Variants in SLC12A7 observed in about 807,000 individuals in gnomAD.
SLC12A7 encodes the protein solute carrier family 12 member 7.
A neutral mutation model predicts 120.6 loss-of-function variants in SLC12A7; 100 were observed. The ratio of observed to expected loss-of-function variants is 0.83; its 90% CI spans 0.71 to 0.98. SLC12A7 has a LOEUF of 0.98. SLC12A7 is among the 50% of genes least tolerant of loss of function. SLC12A7 has a pLI of 0.00. For synonymous variants in SLC12A7, 760 were observed against 678.0 expected (o/e 1.12, Z -1.88); for missense variants, 1,373 against 1,548.1 (o/e 0.89, Z 1.90).
At chr5:1,084,499 G>A (rs1401519323) in intron 7 of SLC12A7, among the ~76,000 whole-genome samples, 11 of 152,222 alleles carry the variant, frequency 7.2e-5, no homozygotes, top group Non-Finnish European at 1.3e-4. Context: ...GAGCACAGGA[G>A]TGCCGCCCCC....
At chr5:1,095,509 C>A (rs904239080) in intron 1 of SLC12A7, among the ~76,000 whole-genome samples, 7 of 152,348 alleles carry the variant, frequency 4.6e-5, no homozygotes, top group Admixed American at 4.6e-4. Context: ...TGGGAACGAC[C>A]AAGCCGGGAC....
chr5:1,137,184 T>A, the SLC12A7 span, among the ~76,000 whole-genome samples: 1 of 152,062 alleles, frequency 6.6e-6, no homozygotes, highest in Non-Finnish European at 1.5e-5. Context: ...ACCCTGCCCC[T>A]ACTCCAAGGA....
intron 1 of SLC12A7, among the ~76,000 whole-genome samples, chr5:1,105,871 C>T (rs1315754450): frequency 6.6e-6 from 1 of 152,196 alleles, no homozygotes; most frequent in Non-Finnish European, 1.5e-5. Flanking sequence ...CTCCTGAATG[C>T]CGTCCACGCC....
At chr5:1,154,995 G>A in the SLC12A7 span, among the ~76,000 whole-genome samples, 1 of 152,214 alleles carries the variant, frequency 6.6e-6, no homozygotes, top group Non-Finnish European at 1.5e-5. Flanking sequence ...TGTGGCCAAG[G>A]CTGGCGGGGG....
At chr5:1,125,290 T>TGC in the SLC12A7 span, among the ~76,000 whole-genome samples, 1 of 152,040 alleles carries the variant, frequency 6.6e-6, no homozygotes, top group Non-Finnish European at 1.5e-5. Flanking sequence ...TGTGTGTGTG[T>TGC]GTGTGAATTC....
intron 21 of SLC12A7, among the ~76,000 whole-genome samples, chr5:1,059,192 G>A (rs1020644861): frequency 1.6e-4 from 25 of 152,172 alleles, no homozygotes; most frequent in African/African-American, 5.3e-4. Context: ...CTCTGTCCAC[G>A]GACAAGCTGG....
chr5:1,120,230 C>T, the SLC12A7 span, among the ~76,000 whole-genome samples: 1 of 152,252 alleles, frequency 6.6e-6, no homozygotes, highest in African/African-American at 2.4e-5. Context: ...TGACACACTT[C>T]TCTTTCTCAG....
the SLC12A7 span, among the ~76,000 whole-genome samples, chr5:1,142,189 G>A: frequency 4.0e-5 from 6 of 151,768 alleles, no homozygotes; most frequent in Admixed American, 2.6e-4. Context: ...GAGCCCAGAC[G>A]CTCCACAGGG....
chr5:1,082,889 C>T (rs112091893), intron 8 of SLC12A7, among the ~76,000 whole-genome samples: 455 of 121,756 alleles, frequency 3.7e-3, no homozygotes, highest in Middle Eastern at 7.4e-3. Flanking sequence ...CTTCCCGTCT[C>T]GGGTTCTGGA....
intron 10 of SLC12A7, 138 bp from the exon 11 acceptor site, chr5:1,078,896 T>G: frequency 1.4e-6 from 1 of 702,954 alleles, no homozygotes; most frequent in South Asian, 1.7e-5. Flanking sequence ...GGGACCGTTC[T>G]GCATCCCATC....
intron 1 of SLC12A7, among the ~76,000 whole-genome samples, chr5:1,109,944 C>T (rs904669190): frequency 6.6e-6 from 1 of 152,214 alleles, no homozygotes; most frequent in Admixed American, 6.5e-5. Flanking sequence ...GTGGTGTGGA[C>T]CCCACACAGA....
chr5:1,087,023 G>C lies in SLC12A7; in HGVS notation c.555C>G (p.Ser185=). The C allele has an allele frequency of 6.2e-7, 1 of 1,611,524 alleles. No individual in the cohort carries two copies. The highest frequency in any genetic ancestry group is 1.1e-5 in the South Asian group (1 of 90,942). The change falls in exon 6 of 24, where the codon TCC becomes TCG. Residue 185 remains serine, a synonymous_variant. Transcript: ENST00000264930. ...ATNGVVPAGG[S]YYMISRSLGP... ...CCAGCGAGCGCGATATCATGTAGTAGGACCCGCCAGCTGCGGAGACAAAGG... is the reference window on the plus strand; with the variant it reads ...CCAGCGAGCGCGATATCATGTAGTACGACCCGCCAGCTGCGGAGACAAAGG...
the SLC12A7 span, among the ~76,000 whole-genome samples, chr5:1,131,925 G>T: frequency 6.6e-6 from 1 of 152,224 alleles, no homozygotes; most frequent in Non-Finnish European, 1.5e-5. Flanking sequence ...TCTGTCAGGG[G>T]CGTTTGAACC....
chr5:1,075,434 C>G lies in SLC12A7; in HGVS notation c.1904G>C (p.Trp635Ser). 6.2e-7 allele frequency: 1 copy of G among 1,612,608 alleles called. No individual in the cohort carries two copies. Among genetic ancestry groups the G allele is most frequent in the Non-Finnish European group, 8.5e-7 (1 of 1,179,692 alleles). The change falls in exon 15 of 24, where the codon TGG becomes TCG. Residue 635 changes from tryptophan to serine, a missense_variant. Coordinates refer to ENST00000264930, the MANE Select transcript of SLC12A7 (RefSeq NM_006598.3). ...GAGCATGGCGGACAGCGCGTAGTAC[C>G]AGGAGCAGATGAACATCAGCGCCAG... ...LCLALMFICS[W>S]YYALSAMLIA...
Position 1,053,491 on chromosome 5 carries a change from G to T in SLC12A7, c.3027-9C>A. ...TGACGTTGGACTGGTCCCTGCAGGG[G>T]AGGTGGGCACGGTCAGCGGGCGGCG... On this transcript the variant is annotated splice_polypyrimidine_tract_variant and intron_variant, in intron 22 of 23. Transcript: ENST00000264930. 9 of 1,612,844 alleles carry T rather than the reference G, an allele frequency of 5.6e-6. No homozygotes were observed. Among genetic ancestry groups the T allele is most frequent in the Non-Finnish European group, 7.6e-6 (9 of 1,179,564 alleles).
intron 1 of SLC12A7, among the ~76,000 whole-genome samples, chr5:1,095,109 CCCTA>C (rs1248351166): frequency 7.2e-6 from 1 of 138,222 alleles, no homozygotes; most frequent in Admixed American, 7.3e-5. Flanking sequence ...GGATGAAAGT[CCCTA>C]CCCCCAGGCC....
At chr5:1,135,967 T>G in the SLC12A7 span, among the ~76,000 whole-genome samples, 1 of 152,156 alleles carries the variant, frequency 6.6e-6, no homozygotes, top group Non-Finnish European at 1.5e-5. Flanking sequence ...TCGTCGGCCC[T>G]GCGGGGTGCA....
chr5:1,085,313 ACCAGCG>A lies in SLC12A7; in HGVS notation c.830_835del (p.Ala277_Leu278del). 6.2e-7 allele frequency: 1 copy of A among 1,612,544 alleles called. No homozygotes were observed. Among genetic ancestry groups the A allele is most frequent in the Non-Finnish European group, 8.5e-7 (1 of 1,179,822 alleles). The stretch of plus-strand genomic sequence containing the variant: ...GGACAGCACGACGCAGGCCAGGAAG[ACCAGCG>A]CCAGCTTGTTGACATACTTGACGCC... On this transcript the variant is annotated inframe_deletion, in exon 7 of 24. Coordinates refer to ENST00000264930, the MANE Select transcript of SLC12A7 (RefSeq NM_006598.3).
intron 1 of SLC12A7, among the ~76,000 whole-genome samples, chr5:1,109,066 G>A (rs992241694): frequency 2.0e-5 from 3 of 152,206 alleles, no homozygotes; most frequent in African/African-American, 7.2e-5. Context: ...TACAAGGCAG[G>A]ACCCACCCTC....
Sources: allele counts gnomAD v4.1 joint callset (sites outside exome capture counted in the v4.1 genomes callset), GRCh38; gene constraint gnomAD v4.1.1; transcripts MANE v1.5; gene names NCBI Gene and HGNC (gene_info 2026-07-23, HGNC 2026-07-21).